WWOX: variants seen among roughly 807,000 people sequenced by gnomAD.
WWOX encodes WW domain containing oxidoreductase.
A neutral mutation model predicts 46.2 loss-of-function variants in WWOX; 69 were observed. That is an observed-to-expected ratio of 1.49 (90% CI 1.23 to 1.82). WWOX has a LOEUF of 1.82. Among genes scored for constraint, WWOX ranks in the 40% most tolerant of loss-of-function variants. The pLI is 0.00. For synonymous variants in WWOX, 359 were observed against 202.6 expected (o/e 1.77, Z -6.56); for missense variants, 919 against 542.6 (o/e 1.69, Z -6.89).
intron 5 of WWOX, among the ~76,000 whole-genome samples, chr16:78,258,206 ACAAACCAGTC>A (rs1159456232): frequency 1.3e-5 from 2 of 152,196 alleles, no homozygotes; most frequent in East Asian, 3.8e-4. Context: ...TTGTACAAAA[ACAAACCAGTC>A]ATATCATAGC....
chr16:78,986,665 C>G (rs895992645), intron 8 of WWOX, among the ~76,000 whole-genome samples: 2 of 152,214 alleles, frequency 1.3e-5, no homozygotes, highest in East Asian at 1.9e-4. Flanking sequence ...GGATCTGACT[C>G]TTGAATTCTC....
intron 5 of WWOX, among the ~76,000 whole-genome samples, chr16:78,302,051 C>G (rs28483287): frequency 0.039 from 5,935 of 151,886 alleles, 196 homozygotes; most frequent in African/African-American, 0.089. Context: ...ACCTCCACCT[C>G]CCGGGTTCAA....
intron 8 of WWOX, among the ~76,000 whole-genome samples, chr16:78,610,421 A>T (rs1165760119): frequency 6.6e-6 from 1 of 152,246 alleles, no homozygotes; most frequent in Non-Finnish European, 1.5e-5. Flanking sequence ...TCAAAGGAAG[A>T]ACAAATCTGT....
chr16:78,732,154 A>G (rs1305920655), intron 8 of WWOX, among the ~76,000 whole-genome samples: 1 of 152,138 alleles, frequency 6.6e-6, no homozygotes, highest in Non-Finnish European at 1.5e-5. Flanking sequence ...GTGAGCCCCC[A>G]ACCCCAAAAC....
intron 1 of WWOX, chr16:78,100,272 C>G (rs956080219): frequency 1.1e-5 from 12 of 1,095,320 alleles, no homozygotes; most frequent in Admixed American, 5.8e-5. Flanking sequence ...TTGTTTTGTC[C>G]AGACCGGTAT....
chr16:78,113,852 AATT>A (rs796488003), intron 3 of WWOX, among the ~76,000 whole-genome samples: 12 of 152,226 alleles, frequency 7.9e-5, no homozygotes, highest in African/African-American at 2.6e-4. Context: ...GGATGGTAAT[AATT>A]AGAATAAAGG....
chr16:78,963,019 GA>G (rs1385612577), intron 8 of WWOX, among the ~76,000 whole-genome samples: 2 of 152,096 alleles, frequency 1.3e-5, no homozygotes, highest in South Asian at 4.2e-4. Context: ...TTTGTATTAT[GA>G]AAAATTGCAG....
At chr16:78,478,347 A>C (rs1163450424) in intron 8 of WWOX, among the ~76,000 whole-genome samples, 1 of 152,188 alleles carries the variant, frequency 6.6e-6, no homozygotes, top group Non-Finnish European at 1.5e-5. Flanking sequence ...TGATGTTTTT[A>C]AATGTAAATA....
chr16:79,004,743 G>T (rs1388577191), intron 8 of WWOX: 1 of 152,216 alleles, frequency 6.6e-6, no homozygotes, highest in Non-Finnish European at 1.5e-5. Flanking sequence ...TGAAAGTCCA[G>T]CTGTGTATGC....
intron 8 of WWOX, among the ~76,000 whole-genome samples, chr16:78,849,199 C>T (rs1017917431): frequency 2.0e-5 from 3 of 152,168 alleles, no homozygotes; most frequent in East Asian, 3.9e-4. Flanking sequence ...ATGTAAGTCT[C>T]TGGGAGCACT....
chr16:78,728,210 A>T (rs2048883058), intron 8 of WWOX, among the ~76,000 whole-genome samples: 1 of 151,446 alleles, frequency 6.6e-6, no homozygotes, highest in Non-Finnish European at 1.5e-5. Context: ...GACTACGGAC[A>T]CATGCCACTA....
chr16:78,117,270 A>G (rs909284439), intron 4 of WWOX, among the ~76,000 whole-genome samples: 1 of 152,192 alleles, frequency 6.6e-6, no homozygotes, highest in African/African-American at 2.4e-5. Flanking sequence ...AGGATGGCAC[A>G]GATGTCGCAC....
At chr16:78,819,773 C>G (rs1281212001) in intron 8 of WWOX, among the ~76,000 whole-genome samples, 1 of 152,184 alleles carries the variant, frequency 6.6e-6, no homozygotes, top group Non-Finnish European at 1.5e-5. Context: ...GCCACAAGCT[C>G]ACAGCATTTT....
chr16:78,276,900 A>G (rs1024687128), intron 5 of WWOX, among the ~76,000 whole-genome samples: 1 of 152,144 alleles, frequency 6.6e-6, no homozygotes, highest in African/African-American at 2.4e-5. Context: ...TGTGATGGAT[A>G]GTTTTTATTT....
chr16:78,167,728 T>C (rs1180582171), intron 5 of WWOX: 1 of 152,180 alleles, frequency 6.6e-6, no homozygotes, highest in African/African-American at 2.4e-5. Context: ...TTTCATTCCA[T>C]TGCACCATTC....
chr16:78,849,710 C>G (rs1026943492), intron 8 of WWOX, among the ~76,000 whole-genome samples: 1 of 151,924 alleles, frequency 6.6e-6, no homozygotes, highest in African/African-American at 2.4e-5. Flanking sequence ...GATTTCTAAT[C>G]TTGATGCAGT....
At chr16:78,975,420 C>G (rs574590022) in intron 8 of WWOX, among the ~76,000 whole-genome samples, 41 of 151,846 alleles carry the variant, frequency 2.7e-4, no homozygotes, top group African/African-American at 9.2e-4. Context: ...GAAAATAACA[C>G]TGGAGGTAAG....
In WWOX at chr16:78,644,690, T is replaced by G. The variant is rs564833672; in HGVS notation, c.1056+211938T>G. Reference sequence around the variant, plus strand: ...GTTTACCAGGCTGGTCTGGAACTCCTGAACTCAAGTGATCTGCCCGCCTTT... The same window carrying G: ...GTTTACCAGGCTGGTCTGGAACTCCGGAACTCAAGTGATCTGCCCGCCTTT... On this transcript the variant is annotated intron_variant, in intron 8 of 8. Transcript: ENST00000566780. 1.4e-4 allele frequency among the ~76,000 whole-genome samples: 21 copies of G among 152,318 alleles called. No homozygotes were observed. The East Asian group carries it at 4.1e-3, about 29-fold the overall frequency.
chr16:78,184,566 C>T (rs62033985), intron 5 of WWOX, among the ~76,000 whole-genome samples: 22,173 of 151,922 alleles, frequency 0.15, 1,942 homozygotes, highest in Non-Finnish European at 0.2. Flanking sequence ...ATTTTTTCCC[C>T]GTTTATACTA....
Sources: gnomAD v4.1 joint callset for allele counts (sites outside exome capture counted in the v4.1 genomes callset) on GRCh38, gnomAD v4.1.1 for gene constraint, MANE v1.5 for transcripts, NCBI Gene and HGNC (gene_info 2026-07-23, HGNC 2026-07-21) for gene names.